Variants in RPSA observed in about 807,000 individuals in gnomAD.
RPSA encodes the protein ribosomal protein SA.
For missense variants in RPSA, 140 were observed against 372.8 expected, an observed-to-expected ratio of 0.38 and a Z score of 5.14; for synonymous variants, 103 against 126.7, an observed-to-expected ratio of 0.81 and a Z score of 1.25.
intron 6 of RPSA, 52 bp from the exon 7 acceptor site, chr3:39,412,222 A>T (rs2042015658): frequency 1.0e-5 from 15 of 1,467,218 alleles, no homozygotes; most frequent in Non-Finnish European, 1.4e-5. Flanking sequence ...GGTAAGGAAA[A>T]ATACTACATT....
chr3:39,407,949 A>G (rs2041943351), intron 2 of RPSA, 163 bp downstream of exon 2: 1 of 614,186 alleles, frequency 1.6e-6, no homozygotes, highest in Non-Finnish European at 2.8e-6. Context: ...TTATTGAGAG[A>G]AAAGATTTCT....
chr3:39,411,138 A>G lies in RPSA; in HGVS notation c.498+139A>G, dbSNP rs747182419. ...TAGGTAGTGTGCTACATGAGGGGCA[A>G]GTTTTCGCTAACACCACAAGGGTCT... On this transcript the variant is annotated intron_variant, in intron 4 of 6. Coordinates refer to ENST00000301821, the MANE Select transcript of RPSA (RefSeq NM_002295.6). 2.4e-5 allele frequency: 25 copies of G among 1,021,962 alleles called. 1 individual carries two copies. The highest frequency in any genetic ancestry group is 2.4e-4 in the South Asian group (19 of 78,850). 63.3% of individuals were successfully genotyped at this position (1,021,962 alleles called of 1,614,324 possible).
chr3:39,408,795 C>A, intron 3 of RPSA, 71 bp downstream of exon 3: 2 of 933,498 alleles, frequency 2.1e-6, no homozygotes, highest in Non-Finnish European at 3.6e-6. Flanking sequence ...CATAGAAAGA[C>A]ATAAGAAAAC....
At chr3:39,408,498 T>C (rs762826480) in intron 2 of RPSA, 108 bp from the exon 3 acceptor site, 1 of 794,306 alleles carries the variant, frequency 1.3e-6, no homozygotes, top group Non-Finnish European at 2.3e-6. Context: ...CAGTAGAGCT[T>C]GCCTCTATGA....
chr3:39,407,268 C>T (rs2041932922), intron 1 of RPSA, among the ~76,000 whole-genome samples: 1 of 152,168 alleles, frequency 6.6e-6, no homozygotes, highest in African/African-American at 2.4e-5. Context: ...CAATTCATGC[C>T]TTTTTTGCCT....
intron 3 of RPSA, among the ~76,000 whole-genome samples, chr3:39,409,319 A>G (rs1218224249): frequency 1.3e-5 from 2 of 149,440 alleles, no homozygotes; most frequent in African/African-American, 5.0e-5. Flanking sequence ...CTCCTGCCTC[A>G]TCCTCCCGAG....
In RPSA at chr3:39,406,774, G is replaced by T. The variant is rs2041922495; in HGVS notation, c.-34+10G>T. 4.5e-6 allele frequency: 2 copies of T among 441,020 alleles called. No individual in the cohort carries two copies. Among genetic ancestry groups the T allele is most frequent in the Non-Finnish European group, 9.1e-6 (2 of 219,592 alleles). 27.3% of individuals were successfully genotyped at this position (441,020 alleles called of 1,614,324 possible). ...TACGGCGTTGTTCTGGGTGAGTTCC[G>T]TGTAGCGTCCCTGGCGCCTTCCAGG... is the stretch of plus-strand genomic sequence containing the variant. On this transcript the variant is annotated intron_variant, in intron 1 of 6. Coordinates refer to ENST00000301821, the MANE Select transcript of RPSA (RefSeq NM_002295.6).
intron 2 of RPSA, 32 bp downstream of exon 2, chr3:39,407,818 A>G: frequency 1.3e-6 from 2 of 1,579,160 alleles, no homozygotes; most frequent in Non-Finnish European, 1.7e-6. Context: ...TTGTTACTCC[A>G]GCTGTAAGTA....
chr3:39,411,916 T>C lies in RPSA; in HGVS notation c.648T>C (p.Ala216=). The change falls in exon 6 of 7, where the codon GCT becomes GCC. Residue 216 remains alanine (A), a synonymous_variant. Transcript: ENST00000301821. ...DPEEIEKEEQ[A]AAEKAVTKEE... ...CCCAGATTGAAAAAGAAGAGCAGGC[T>C]GCTGCTGAGAAGGCAGTGACCAAGG... 6.3e-7 allele frequency: 1 copy of C among 1,599,742 alleles called. No individual in the cohort carries two copies. The highest frequency in any genetic ancestry group is 1.1e-5 in the South Asian group (1 of 91,076).
Position 39,406,775 on chromosome 3 carries a change from T to G in RPSA, c.-34+11T>G. The G allele has an allele frequency of 2.3e-6, 1 of 441,648 alleles. No individual in the cohort carries two copies. The highest frequency in any genetic ancestry group is 1.6e-5 in the South Asian group (1 of 61,908). The allele number at this position is 441,648 out of a possible 1,614,324, so 27.4% of individuals were successfully genotyped here. On this transcript the variant is annotated intron_variant, in intron 1 of 6. Transcript: ENST00000301821. ...ACGGCGTTGTTCTGGGTGAGTTCCGTGTAGCGTCCCTGGCGCCTTCCAGGG... is the reference window on the plus strand; with the variant it reads ...ACGGCGTTGTTCTGGGTGAGTTCCGGGTAGCGTCCCTGGCGCCTTCCAGGG...
chr3:39,408,762 TAAAG>T, intron 3 of RPSA, 38 bp downstream of exon 3: 4 of 1,104,796 alleles, frequency 3.6e-6, no homozygotes, highest in Non-Finnish European at 4.2e-6. Context: ...ATTATAGAAA[TAAAG>T]CTTACAGACA....
At position 39,408,940 on chromosome 3, in the gene RPSA, G is replaced by A. The variant is rs549289108; in HGVS notation, c.252+216G>A. ...TCTCTACTAAAAATACAAAAAATTA[G>A]TTGGGCGTGGGGGCGGGTGCCTGTA... On this transcript the variant is annotated intron_variant, in intron 3 of 6. Transcript: ENST00000301821. 1.3e-4 allele frequency: 64 copies of A among 485,866 alleles called. 1 individual carries two copies. Among genetic ancestry groups the A allele is most frequent in the African/African-American group, 1.1e-3 (59 of 51,494 alleles). 30.1% of individuals were successfully genotyped at this position (485,866 alleles called of 1,614,324 possible). A position where few individuals can be genotyped will look rare whatever the true frequency, so the allele number is the denominator to read the frequency against.
chr3:39,409,101 A>AAAG (rs2041965145), intron 3 of RPSA: 4 of 114,886 alleles, frequency 3.5e-5, no homozygotes, highest in Admixed American at 8.8e-5. Flanking sequence ...AAAAAAAAAG[A>AAAG]AAATAGAAAA....
intron 1 of RPSA, 126 bp downstream of exon 1, chr3:39,406,890 G>T: frequency 2.2e-6 from 1 of 456,252 alleles, no homozygotes; most frequent in South Asian, 1.5e-5. Flanking sequence ...CGCCCGGCGC[G>T]CCCCACCTTA....
chr3:39,412,236 G>C (rs1439442637), intron 6 of RPSA, 38 bp from the exon 7 acceptor site: 4 of 1,508,400 alleles, frequency 2.7e-6, no homozygotes, highest in Non-Finnish European at 3.7e-6. Context: ...CTACATTGAG[G>C]ACAGAGCTGA....
At chr3:39,407,555 G>T in intron 1 of RPSA, 66 bp from the exon 2 acceptor site, 1 of 1,208,844 alleles carries the variant, frequency 8.3e-7, no homozygotes, top group Non-Finnish European at 1.2e-6. Flanking sequence ...GTTTTTGGTT[G>T]CTTTTAAGGG....
At position 39,408,856 on chromosome 3, in the gene RPSA, T is replaced by C. The variant is rs149708661; in HGVS notation, c.252+132T>C. Reference sequence around the variant, plus strand: ...GGCTACGCCTGTAATCCCAGCACTTTGGGAGGTGGAGTCCGGCGTATTACG... The same window carrying C: ...GGCTACGCCTGTAATCCCAGCACTTCGGGAGGTGGAGTCCGGCGTATTACG... On this transcript the variant is annotated intron_variant, in intron 3 of 6. Coordinates refer to ENST00000301821, the MANE Select transcript of RPSA (RefSeq NM_002295.6). 153 of 685,332 alleles carry C rather than the reference T, an allele frequency of 2.2e-4. No individual in the cohort carries two copies. In the African/African-American group the frequency reaches 2.6e-3, roughly 12 times the overall value. 42.5% of individuals were successfully genotyped at this position (685,332 alleles called of 1,614,324 possible). A position where few individuals can be genotyped will look rare whatever the true frequency, so the allele number is the denominator to read the frequency against.
Position 39,407,722 on chromosome 3 carries a change from C to A in RPSA, c.69C>A (p.Thr23=). Residue 23 remains threonine, a synonymous_variant, in exon 2 of 7, where the codon ACC becomes ACA. Transcript: ENST00000301821. ...TCCTTAAGTTCCTTGCAGCAGGAAC[C>A]CACTTAGGTGGCACCAATCTTGACT... ...EDVLKFLAAG[T]HLGGTNLDFQ... The A allele has an allele frequency of 6.3e-7, 1 of 1,592,028 alleles. No individual in the cohort carries two copies.
intron 3 of RPSA, chr3:39,409,040 C>T (rs1461767149): frequency 5.3e-5 from 13 of 247,114 alleles, no homozygotes; most frequent in African/African-American, 1.8e-4. Flanking sequence ...AGCTGAGATG[C>T]GCCACTGTAC....
Sources: gnomAD v4.1 joint callset for allele counts (sites outside exome capture counted in the v4.1 genomes callset) on GRCh38, gnomAD v4.1.1 for gene constraint, MANE v1.5 for transcripts, NCBI Gene and HGNC (gene_info 2026-07-23, HGNC 2026-07-21) for gene names.